TBC1D5: variants seen among roughly 807,000 people sequenced by gnomAD.
The protein encoded by TBC1D5 is TBC1 domain family member 5, also known as TBC1 domain family, member 5.
Under a neutral mutation model 100.3 loss-of-function variants are expected in TBC1D5, and 75 were observed. The observed-to-expected ratio is 0.75, with a 90% CI of 0.62 to 0.91. The LOEUF is 0.91. TBC1D5 is among the 40% of genes least tolerant of loss of function. The pLI is 0.00. For synonymous variants in TBC1D5, 323 were observed against 325.6 expected (o/e 0.99, Z 0.09); for missense variants, 910 against 942.4 (o/e 0.97, Z 0.45).
At chr3:17,633,104 T>C (rs551972797) in intron 1 of TBC1D5, among the ~76,000 whole-genome samples, 6 of 152,280 alleles carry the variant, frequency 3.9e-5, no homozygotes, top group African/African-American at 1.4e-4. Context: ...AAAGGTTTAA[T>C]ACACCCTCCT....
chr3:17,211,225 T>C (rs2072939677), intron 18 of TBC1D5, among the ~76,000 whole-genome samples: 1 of 152,232 alleles, frequency 6.6e-6, no homozygotes, highest in Non-Finnish European at 1.5e-5. Flanking sequence ...AAGAAGTAAC[T>C]GGCTGTTTCC....
chr3:17,624,698 C>T (rs1042059007), intron 1 of TBC1D5, among the ~76,000 whole-genome samples: 1 of 152,222 alleles, frequency 6.6e-6, no homozygotes, highest in South Asian at 2.1e-4. Context: ...TACTCTACAA[C>T]TTAAAAGCTC....
At position 17,631,670 on chromosome 3, in the gene TBC1D5, T is replaced by C. The variant is rs1193454128; in HGVS notation, c.-100-7757A>G. 2.0e-5 allele frequency among the ~76,000 whole-genome samples: 3 copies of C among 152,318 alleles called. No homozygotes were observed. The South Asian group carries it at 6.2e-4, about 32-fold the overall frequency. Reference sequence around the variant, plus strand: ...TTTAAAGCCAATGTTCATTGACCATTTGGTAAATCTTCAAGCCCTTAAGAG... The same window carrying C: ...TTTAAAGCCAATGTTCATTGACCATCTGGTAAATCTTCAAGCCCTTAAGAG... On this transcript the variant is annotated intron_variant, in intron 1 of 21. Coordinates refer to ENST00000253692, the Ensembl canonical transcript of TBC1D5.
chr3:17,477,587 G>A (rs1036643967), intron 3 of TBC1D5, among the ~76,000 whole-genome samples: 1 of 151,936 alleles, frequency 6.6e-6, no homozygotes, highest in African/African-American at 2.4e-5. Flanking sequence ...TGATACAACT[G>A]TATAAGTCAT....
chr3:17,540,318 T>C (rs2096337587), intron 2 of TBC1D5, among the ~76,000 whole-genome samples: 1 of 152,230 alleles, frequency 6.6e-6, no homozygotes, highest in Non-Finnish European at 1.5e-5. Flanking sequence ...GTCTTTTGAT[T>C]AACAAAGTTT....
intron 3 of TBC1D5, among the ~76,000 whole-genome samples, chr3:17,437,101 A>G (rs1286336969): frequency 6.6e-6 from 1 of 152,194 alleles, no homozygotes; most frequent in East Asian, 1.9e-4. Flanking sequence ...TGTGAATTCA[A>G]TCTCTTGCTG....
In TBC1D5 at chr3:17,679,691, T is replaced by G. The variant is rs926847623; in HGVS notation, c.-100-55778A>C. On this transcript the variant is annotated intron_variant, in intron 1 of 21. Transcript: ENST00000253692. The stretch of plus-strand genomic sequence containing the variant: ...ATTATACATTAATATTGAGACAATT[T>G]ATTTTACTTAAGCTTCCCCTCCACA... Among the ~76,000 whole-genome samples the G allele has an allele frequency of 2.6e-5, 4 of 151,724 alleles. No homozygotes were observed. The East Asian group carries it at 7.7e-4, about 29-fold the overall frequency.
intron 1 of TBC1D5, among the ~76,000 whole-genome samples, chr3:17,696,798 C>T (rs1288986050): frequency 3.3e-5 from 5 of 152,024 alleles, no homozygotes; most frequent in African/African-American, 4.8e-5. Flanking sequence ...AGAGACACAA[C>T]AGAAAAAAAG....
intron 1 of TBC1D5, among the ~76,000 whole-genome samples, chr3:17,668,053 T>C (rs775729951): frequency 2.5e-4 from 38 of 151,080 alleles, no homozygotes; most frequent in Non-Finnish European, 4.4e-4. Flanking sequence ...ACATTCTACA[T>C]ATGATTTAAT....
chr3:17,681,152 T>A (rs2069407461), intron 1 of TBC1D5, among the ~76,000 whole-genome samples: 1 of 151,668 alleles, frequency 6.6e-6, no homozygotes, highest in Non-Finnish European at 1.5e-5. Context: ...GTAAAGTATT[T>A]CAGGAAGGGC....
chr3:17,732,903 T>C (rs190493496), intron 1 of TBC1D5, among the ~76,000 whole-genome samples: 37 of 152,252 alleles, frequency 2.4e-4, no homozygotes, highest in African/African-American at 8.7e-4. Context: ...AATACATGAT[T>C]GCCACTGATC....
intron 15 of TBC1D5, among the ~76,000 whole-genome samples, chr3:17,283,396 G>C (rs1175446874): frequency 6.6e-6 from 1 of 152,154 alleles, no homozygotes; most frequent in Non-Finnish European, 1.5e-5. Context: ...AAAACTGAAT[G>C]GTCTGGTTCC....
At chr3:17,469,803 AT>A (rs2095352126) in intron 3 of TBC1D5, among the ~76,000 whole-genome samples, 1 of 152,258 alleles carries the variant, frequency 6.6e-6, no homozygotes, top group Non-Finnish European at 1.5e-5. Flanking sequence ...TTATTCAGTT[AT>A]GTGGCCTAAT....
At chr3:17,353,324 T>G (rs1357351106) in intron 13 of TBC1D5, among the ~76,000 whole-genome samples, 2 of 152,084 alleles carry the variant, frequency 1.3e-5, no homozygotes, top group South Asian at 2.1e-4. Context: ...ATAGTAAACC[T>G]ATTTCTACAG....
intron 2 of TBC1D5, among the ~76,000 whole-genome samples, chr3:17,549,172 A>G (rs1336317437): frequency 6.6e-6 from 1 of 152,150 alleles, no homozygotes; most frequent in Admixed American, 6.5e-5. Flanking sequence ...GTGGTGGCGC[A>G]TGCCTGTAAT....
intron 3 of TBC1D5, among the ~76,000 whole-genome samples, chr3:17,504,752 A>C (rs1011070630): frequency 6.6e-6 from 1 of 152,228 alleles, no homozygotes; most frequent in Non-Finnish European, 1.5e-5. Context: ...TACTTCAGAC[A>C]CCATTTTTAT....
chr3:17,680,148 C>G (rs2069249520), intron 1 of TBC1D5, among the ~76,000 whole-genome samples: 1 of 151,068 alleles, frequency 6.6e-6, no homozygotes, highest in Non-Finnish European at 1.5e-5. Flanking sequence ...TCTAAATGTT[C>G]TTTCTTTAGA....
chr3:17,739,234 GACT>G (rs2077202684), intron 1 of TBC1D5: 1 of 152,220 alleles, frequency 6.6e-6, no homozygotes, highest in South Asian at 2.1e-4. Flanking sequence ...CCACTTCTCA[GACT>G]GCTGCTGCTA....
At chr3:17,420,297 T>C (rs1437589399) in intron 4 of TBC1D5, among the ~76,000 whole-genome samples, 1 of 151,950 alleles carries the variant, frequency 6.6e-6, no homozygotes, top group African/African-American at 2.4e-5. Context: ...ATATAATTAT[T>C]AACCACTACA....
Sources: gnomAD v4.1 joint callset for allele counts (sites outside exome capture counted in the v4.1 genomes callset) on GRCh38, gnomAD v4.1.1 for gene constraint, MANE v1.5 for transcripts, NCBI Gene and HGNC (gene_info 2026-07-23, HGNC 2026-07-21) for gene names.